Variants in MICU2 observed in about 807,000 individuals in gnomAD.
The protein encoded by MICU2 is calcium uptake protein 2, mitochondrial.
Under a neutral mutation model 60.4 loss-of-function variants are expected in MICU2, and 64 were observed. The observed-to-expected ratio is 1.06, with a 90% confidence interval of 0.87 to 1.31. MICU2 has a LOEUF of 1.31. MICU2 is among the 50% of genes most tolerant of loss of function. MICU2 has a pLI of 0.00. For missense variants in MICU2, 569 were observed against 531.0 expected (o/e 1.07, Z -0.70); for synonymous variants, 201 against 175.0 (o/e 1.15, Z -1.17).
chr13:21,506,514 ATG>A (rs1886295692), intron 8 of MICU2, among the ~76,000 whole-genome samples: 1 of 152,180 alleles, frequency 6.6e-6, no homozygotes, highest in South Asian at 2.1e-4. Context: ...TAGCCTGGAA[ATG>A]TGTCTTTTTG....
Position 21,539,377 on chromosome 13 carries a change from C to T in MICU2, c.391G>A (p.Asp131Asn), listed in dbSNP as rs1305052224. 3.1e-6 allele frequency: 5 copies of T among 1,612,124 alleles called. No homozygotes were observed. The highest frequency in any genetic ancestry group is 2.2e-5 in the East Asian group (1 of 44,864). Residue 131 changes from aspartate to asparagine, a missense_variant and splice_region_variant, in exon 4 of 12, where the codon GAC (aspartate) becomes AAC (asparagine). Asp to Asn is a conservative substitution (Grantham distance 23). Coordinates refer to ENST00000382374, the MANE Select transcript of MICU2 (RefSeq NM_152726.3). ...KTSVKKLTKK[D>N]IEDTLSGIQT... ...ATCCCTGACAGTGTATCCTCGATGT[C>T]CTTTGAATACACATATTAAAATTAA...
chr13:21,496,163 A>G lies in MICU2; in HGVS notation c.934-3T>C. ...TTGAATTCATCCAAACTAATGCTCT[A>G]ATAAAGTAAGAGTTTTTATTACAAT... is the stretch of plus-strand genomic sequence containing the variant. On this transcript the variant is annotated splice_region_variant and splice_polypyrimidine_tract_variant and intron_variant, in intron 9 of 11. Coordinates refer to ENST00000382374, the MANE Select transcript of MICU2 (RefSeq NM_152726.3). The G allele has an allele frequency of 1.9e-6, 3 of 1,599,398 alleles. No homozygotes were observed. The highest frequency in any genetic ancestry group is 2.6e-6 in the Non-Finnish European group (3 of 1,170,980).
chr13:21,529,412 T>C (rs1886934193), intron 4 of MICU2, among the ~76,000 whole-genome samples: 1 of 152,194 alleles, frequency 6.6e-6, no homozygotes, highest in Non-Finnish European at 1.5e-5. Context: ...AGTTTGTAAA[T>C]ACACAGATGG....
chr13:21,594,951 A>T (rs1462312800), intron 1 of MICU2, among the ~76,000 whole-genome samples: 1 of 152,192 alleles, frequency 6.6e-6, no homozygotes, highest in African/African-American at 2.4e-5. Context: ...GCACACATAT[A>T]CCGATGTAAC....
intron 1 of MICU2, among the ~76,000 whole-genome samples, chr13:21,578,325 G>A (rs910148676): frequency 6.6e-6 from 1 of 151,914 alleles, no homozygotes; most frequent in East Asian, 1.9e-4. Flanking sequence ...AGTGGCCCAC[G>A]CCTTTAATCC....
At chr13:21,548,298 T>C (rs965876521) in intron 2 of MICU2, among the ~76,000 whole-genome samples, 1 of 152,212 alleles carries the variant, frequency 6.6e-6, no homozygotes, top group African/African-American at 2.4e-5. Flanking sequence ...TTGACTTTAT[T>C]TTCTGCTCTA....
chr13:21,533,474 C>T (rs1018381853), intron 4 of MICU2, among the ~76,000 whole-genome samples: 5 of 151,920 alleles, frequency 3.3e-5, no homozygotes, highest in African/African-American at 9.7e-5. Flanking sequence ...CAGGTGCCGG[C>T]CACTGCGCCC....
intron 1 of MICU2, among the ~76,000 whole-genome samples, chr13:21,592,216 T>A (rs1450356979): frequency 6.6e-6 from 1 of 151,962 alleles, no homozygotes; most frequent in African/African-American, 2.4e-5. Flanking sequence ...CAAACTACCA[T>A]CAGAAAATAC....
At chr13:21,570,723 A>G (rs952187484) in intron 1 of MICU2, among the ~76,000 whole-genome samples, 2 of 152,152 alleles carry the variant, frequency 1.3e-5, no homozygotes, top group Non-Finnish European at 2.9e-5. Context: ...AAGAGTTAAA[A>G]GGGACTTAGA....
intron 11 of MICU2, 24 bp downstream of exon 11, chr13:21,495,137 T>G: frequency 1.3e-6 from 2 of 1,580,390 alleles, no homozygotes; most frequent in Middle Eastern, 1.7e-4. Flanking sequence ...TGTAAACATG[T>G]ATTATATAAA....
chr13:21,604,025 C>T lies in MICU2; in HGVS notation c.124G>A (p.Ala42Thr). 1 of 1,608,362 alleles carries T rather than the reference C, an allele frequency of 6.2e-7. No homozygotes were observed. The highest frequency in any genetic ancestry group is 2.2e-5 in the East Asian group (1 of 44,664). Residue 42 changes from alanine (A) to threonine (T), a missense_variant, in exon 1 of 12, where the codon GCG becomes ACG. Physicochemically the swap from Ala to Thr is moderately conservative, Grantham distance 58. Transcript: ENST00000382374. ...GCCGCTCCTGCTCCTGCCAGGGCCG[C>T]GCCGGCCACTGCCGCTGCCAAGGGG... The part of the protein sequence containing the change: ...PGPLAAAVAG[A>T]ALAGAGAAWH...
intron 2 of MICU2, among the ~76,000 whole-genome samples, chr13:21,541,112 A>C (rs1887271586): frequency 6.6e-6 from 1 of 152,152 alleles, no homozygotes; most frequent in Non-Finnish European, 1.5e-5. Context: ...GCAATGATTG[A>C]CATTTTGAAG....
chr13:21,537,614 C>A (rs1243674776), intron 4 of MICU2, among the ~76,000 whole-genome samples: 1 of 151,934 alleles, frequency 6.6e-6, no homozygotes, highest in Non-Finnish European at 1.5e-5. Context: ...GGATTACAGG[C>A]ACCCGCCACC....
intron 1 of MICU2, among the ~76,000 whole-genome samples, chr13:21,578,258 G>A (rs1388254580): frequency 6.6e-6 from 1 of 152,152 alleles, no homozygotes; most frequent in Non-Finnish European, 1.5e-5. Flanking sequence ...TTTTATGAAT[G>A]GGAATCAATT....
intron 1 of MICU2, among the ~76,000 whole-genome samples, chr13:21,570,379 A>C (rs919321943): frequency 2.0e-5 from 3 of 152,172 alleles, no homozygotes; most frequent in Non-Finnish European, 2.9e-5. Flanking sequence ...TAGAATTTGG[A>C]AGATTAATTT....
intron 4 of MICU2, among the ~76,000 whole-genome samples, chr13:21,533,288 T>C (rs1489584936): frequency 5.9e-5 from 9 of 151,944 alleles, no homozygotes; most frequent in Admixed American, 5.9e-4. Context: ...AATGATTTTA[T>C]ATATATATTT....
chr13:21,538,321 T>C (rs911316763), intron 4 of MICU2, among the ~76,000 whole-genome samples: 2 of 151,802 alleles, frequency 1.3e-5, no homozygotes, highest in African/African-American at 4.8e-5. Context: ...TGTAATCCCA[T>C]TACTTTCAAT....
chr13:21,549,017 C>T (rs113845835), intron 2 of MICU2, among the ~76,000 whole-genome samples: 79 of 149,370 alleles, frequency 5.3e-4, no homozygotes, highest in Middle Eastern at 3.5e-3. Context: ...AGCTCTGCCT[C>T]CTGGGTTACA....
rs190029324 is a variant in MICU2 at position 21,494,531 on chromosome 13, T to G, written c.1200+630A>C. On this transcript the variant is annotated intron_variant, in intron 11 of 11. Transcript: ENST00000382374. The stretch of plus-strand genomic sequence containing the variant: ...ATTTTACATCAAATTCTAACAATAA[T>G]GCTTTCTGGTAGATTAGTTTCCTCA... 2.1e-3 allele frequency among the ~76,000 whole-genome samples: 318 copies of G among 152,332 alleles called. 1 individual carries two copies. Among genetic ancestry groups the G allele is most frequent in the African/African-American group, 7.5e-3 (310 of 41,576 alleles).
Sources: gnomAD v4.1 joint callset for allele counts (sites outside exome capture counted in the v4.1 genomes callset) on GRCh38, gnomAD v4.1.1 for gene constraint, MANE v1.5 for transcripts, NCBI Gene and HGNC (gene_info 2026-07-23, HGNC 2026-07-21) for gene names.